STARD9: variants seen among roughly 807,000 people sequenced by gnomAD.
STARD9 encodes the protein StAR related lipid transfer domain containing 9, also known as stAR-related lipid transfer protein 9.
A neutral mutation model predicts 399.8 loss-of-function variants in STARD9; 346 were observed. The observed-to-expected ratio is 0.87, with a 90% confidence interval of 0.79 to 0.95. The LOEUF is 0.95. STARD9 is among the 40% of genes least tolerant of loss of function. STARD9 has a pLI of 0.00. For missense variants in STARD9, 5,832 were observed against 5,667.5 expected (o/e 1.03, Z -0.93); for synonymous variants, 2,203 against 2,143.5 (o/e 1.03, Z -0.77).
chr15:42,655,032 A>G (rs1482563874), intron 9 of STARD9, among the ~76,000 whole-genome samples: 1 of 152,236 alleles, frequency 6.6e-6, no homozygotes, highest in African/African-American at 2.4e-5. Context: ...CTGTAATCCC[A>G]GCACTTTGGG....
rs2049119969 is a variant in STARD9 at position 42,685,707 on chromosome 15, T to C, written c.4129T>C (p.Trp1377Arg). Reference sequence around the variant, plus strand: ...CTGTAAGGGGGAGAGGCCTGGATACTGGCCAAATACTGAGGAACTAAAGCC... The same window carrying C: ...CTGTAAGGGGGAGAGGCCTGGATACCGGCCAAATACTGAGGAACTAAAGCC... ...HSCKGERPGY[W>R]PNTEELKPSD... Residue 1377 changes from tryptophan (W) to arginine (R), a missense_variant, in exon 23 of 33, where the codon TGG becomes CGG. Physicochemically the swap from Trp to Arg is moderately radical, Grantham distance 101. Coordinates refer to ENST00000290607, the MANE Select transcript of STARD9 (RefSeq NM_020759.3). 1 of 1,537,476 alleles carries C rather than the reference T, an allele frequency of 6.5e-7. No homozygotes were observed. The highest frequency in any genetic ancestry group is 8.7e-7 in the Non-Finnish European group (1 of 1,146,978).
intron 26 of STARD9, among the ~76,000 whole-genome samples, chr15:42,714,630 C>G (rs540642045): frequency 2.0e-5 from 3 of 152,146 alleles, no homozygotes; most frequent in South Asian, 2.1e-4. Flanking sequence ...ATTTCTTAAA[C>G]CATTTTTGAG....
rs368034367 is a variant in STARD9, at chr15:42,681,516, G to T, written c.1969G>T (p.Val657Leu). ...CCAGATTCAGCAGCAGCAGAGCTAC[G>T]TAGAGGATTTGAGGCATCAAATCCT... ...RAQIQQQQSY[V>L]EDLRHQILAE... Residue 657 changes from valine to leucine, a missense_variant, in exon 21 of 33, where the codon GTA (valine) becomes TTA (leucine). Around this residue, in one of 2 missense-constraint regions of STARD9, gnomAD observed 5,828 missense variants for 5,651.1 expected, o/e 1.03. Coordinates refer to ENST00000290607, the MANE Select transcript of STARD9 (RefSeq NM_020759.3). The T allele has an allele frequency of 5.9e-6, 9 of 1,537,064 alleles. No homozygotes were observed. Among genetic ancestry groups the T allele is most frequent in the Middle Eastern group, 1.7e-4 (1 of 6,010 alleles).
intron 3 of STARD9, chr15:42,629,860 A>G (rs568050401): frequency 2.3e-4 from 35 of 152,218 alleles, no homozygotes; most frequent in African/African-American, 8.2e-4. Context: ...TGCTTTTTCA[A>G]CAATAGTTTA....
rs1386551681 is a variant in STARD9 at position 42,685,313 on chromosome 15, A to G, written c.3735A>G (p.Val1245=). 3.9e-6 allele frequency: 6 copies of G among 1,537,436 alleles called. No homozygotes were observed. The highest frequency in any genetic ancestry group is 3.5e-6 in the Non-Finnish European group (4 of 1,147,010). ...FWHLEDSSLP[V]MDQEAICRLG... ...ACCTGGAGGACTCTAGTCTGCCTGTAATGGACCAAGAGGCAATATGCAGGC... is the reference window on the plus strand; with the variant it reads ...ACCTGGAGGACTCTAGTCTGCCTGTGATGGACCAAGAGGCAATATGCAGGC... Residue 1245 remains valine, a synonymous_variant, in exon 23 of 33, where the codon GTA becomes GTG. Transcript: ENST00000290607.
chr15:42,664,822 A>ACACC lies in STARD9; in HGVS notation c.1177-429_1177-426dup, dbSNP rs1256793513. Among the ~76,000 whole-genome samples the ACACC allele has an allele frequency of 8.1e-5, 12 of 147,680 alleles. No homozygotes were observed. The South Asian group carries it at 1.1e-3, about 13-fold the overall frequency. ...CACACACACACACACACACACACAC[A>ACACC]CACCCCATACGTACACTGTTTTAAA... is the stretch of plus-strand genomic sequence containing the variant. On this transcript the variant is annotated intron_variant, in intron 13 of 32. Transcript: ENST00000290607.
At chr15:42,648,437 A>G (rs1321652351) in intron 7 of STARD9, among the ~76,000 whole-genome samples, 1 of 152,224 alleles carries the variant, frequency 6.6e-6, no homozygotes. Context: ...TGCTGGGATT[A>G]CAGGCATGAG....
chr15:42,693,805 CTT>C lies in STARD9; in HGVS notation c.12228_12229del (p.Ser4077PhefsTer15), dbSNP rs1566950926. 1 of 1,536,268 alleles carries C rather than the reference CTT, an allele frequency of 6.5e-7. No individual in the cohort carries two copies. The highest frequency in any genetic ancestry group is 8.7e-7 in the Non-Finnish European group (1 of 1,146,570). ...GAACCACAACGCACTCTGGACCGAC[CTT>C]CTTCATGGGGAGGCCTCCAGCACCT... is the stretch of plus-strand genomic sequence containing the variant. On this transcript the variant is annotated frameshift_variant, in exon 23 of 33. Transcript: ENST00000290607. LOFTEE classifies it high-confidence loss of function.
At chr15:42,646,433 A>G (rs2059646792) in intron 7 of STARD9, among the ~76,000 whole-genome samples, 1 of 152,226 alleles carries the variant, frequency 6.6e-6, no homozygotes, top group African/African-American at 2.4e-5. Flanking sequence ...CTTCTCCGTC[A>G]GCACTTGCTT....
intron 3 of STARD9, among the ~76,000 whole-genome samples, chr15:42,616,535 AG>A (rs1043373332): frequency 1.3e-5 from 2 of 152,230 alleles, no homozygotes; most frequent in African/African-American, 2.4e-5. Flanking sequence ...ACAGTGGTTC[AG>A]AGCAAGAGCT....
At chr15:42,590,243 G>A (rs954079563) in intron 3 of STARD9, among the ~76,000 whole-genome samples, 4 of 152,070 alleles carry the variant, frequency 2.6e-5, no homozygotes, top group African/African-American at 7.2e-5. Context: ...GATTACAGGT[G>A]TGAGCCACCA....
At chr15:42,590,389 G>A (rs2058370996) in intron 3 of STARD9, among the ~76,000 whole-genome samples, 1 of 152,106 alleles carries the variant, frequency 6.6e-6, no homozygotes, top group African/African-American at 2.4e-5. Flanking sequence ...TACAAAGGAA[G>A]GACTGCTCAG....
At chr15:42,625,341 T>G (rs113572612) in intron 3 of STARD9, among the ~76,000 whole-genome samples, 104 of 146,822 alleles carry the variant, frequency 7.1e-4, no homozygotes, top group Non-Finnish European at 2.3e-4. Context: ...AGCTATTTTC[T>G]GTTTTTGGAG....
intron 26 of STARD9, among the ~76,000 whole-genome samples, chr15:42,701,072 G>A (rs1224477253): frequency 1.3e-5 from 2 of 152,146 alleles, no homozygotes; most frequent in African/African-American, 4.8e-5. Context: ...GGCTATGAAT[G>A]TGTGGATTTC....
intron 3 of STARD9, among the ~76,000 whole-genome samples, chr15:42,598,215 T>TAAA (rs2058554825): frequency 1.3e-5 from 2 of 150,752 alleles, no homozygotes; most frequent in African/African-American, 4.9e-5. Context: ...GTATTTTTAG[T>TAAA]AGAGACGGGG....
intron 26 of STARD9, among the ~76,000 whole-genome samples, chr15:42,709,099 A>C (rs1278111427): frequency 6.6e-6 from 1 of 152,166 alleles, no homozygotes; most frequent in Non-Finnish European, 1.5e-5. Context: ...ATTGTCCTTT[A>C]TGATTAATGA....
At position 42,685,610 on chromosome 15, in the gene STARD9, G is replaced by C. The variant is rs1014241734; in HGVS notation, c.4032G>C (p.Lys1344Asn). Residue 1344 changes from lysine to asparagine, a missense_variant, in exon 23 of 33, where the codon AAG becomes AAC. Lys to Asn is a moderately conservative substitution (Grantham distance 94, BLOSUM62 0). Coordinates refer to ENST00000290607, the MANE Select transcript of STARD9 (RefSeq NM_020759.3). ...ATTCCTGGTTTTCCTGTGACTCTAA[G>C]ATCAACCCCAGCAGCCCCCCAGGAA... ...SMDSWFSCDS[K>N]INPSSPPGIV... The C allele has an allele frequency of 6.5e-7, 1 of 1,537,468 alleles. No homozygotes were observed. The highest frequency in any genetic ancestry group is 8.7e-7 in the Non-Finnish European group (1 of 1,146,966).
At chr15:42,601,982 G>T (rs933634853) in intron 3 of STARD9, among the ~76,000 whole-genome samples, 1 of 152,208 alleles carries the variant, frequency 6.6e-6, no homozygotes, top group Non-Finnish European at 1.5e-5. Flanking sequence ...GAGTAGCTGG[G>T]ACTACAGGTG....
chr15:42,617,162 T>A (rs2058980662), intron 3 of STARD9, among the ~76,000 whole-genome samples: 1 of 152,202 alleles, frequency 6.6e-6, no homozygotes, highest in Non-Finnish European at 1.5e-5. Flanking sequence ...TTTGCTTTAG[T>A]ACATGCTTTA....
Sources: gnomAD v4.1 joint callset for allele counts (sites outside exome capture counted in the v4.1 genomes callset) on GRCh38, gnomAD v4.1.1 for gene constraint, gnomAD v4.1.1 regional missense constraint, MANE v1.5 for transcripts, NCBI Gene and HGNC (gene_info 2026-07-23, HGNC 2026-07-21) for gene names.